Variants in RANBP2 observed in about 807,000 individuals in gnomAD.
RANBP2 encodes E3 SUMO-protein ligase RanBP2.
Under a neutral mutation model 303.6 loss-of-function variants are expected in RANBP2, and 57 were observed. That is an observed-to-expected ratio of 0.19 (90% CI 0.15 to 0.23). The LOEUF is 0.23. RANBP2 is among the 10% of genes least tolerant of loss of function. RANBP2 has a pLI of 1.00. For synonymous variants in RANBP2, 1,167 were observed against 1,301.5 expected (o/e 0.90, Z 2.23); for missense variants, 3,138 against 3,780.8 (o/e 0.83, Z 4.46).
the RANBP2 span, among the ~76,000 whole-genome samples, chr2:109,213,328 C>T: frequency 3.9e-5 from 6 of 152,262 alleles, no homozygotes; most frequent in Middle Eastern, 3.4e-3. Flanking sequence ...GTACGCCAAA[C>T]GCAGCCCGGG....
chr2:108,789,822 A>G (rs1679599715), downstream of RANBP2, among the ~76,000 whole-genome samples: 1 of 152,232 alleles, frequency 6.6e-6, no homozygotes, highest in South Asian at 2.1e-4. Context: ...GGGAAAAAAT[A>G]TAAAAACAGT....
At chr2:109,022,912 G>A in the RANBP2 span, among the ~76,000 whole-genome samples, 5 of 152,076 alleles carry the variant, frequency 3.3e-5, no homozygotes, top group African/African-American at 9.7e-5. Flanking sequence ...TTACCCGGGC[G>A]TGGTGGTGAG....
At chr2:108,845,650 C>T in the RANBP2 span, among the ~76,000 whole-genome samples, 1 of 149,920 alleles carries the variant, frequency 6.7e-6, no homozygotes, top group Admixed American at 6.7e-5. Context: ...CGGCTCACTG[C>T]AAGCTCCGCC....
the RANBP2 span, chr2:109,618,154 A>G: frequency 6.0e-6 from 1 of 167,106 alleles, no homozygotes; most frequent in Non-Finnish European, 1.5e-5. Flanking sequence ...TGAAAAACCA[A>G]TCTAATTTTG....
the RANBP2 span, among the ~76,000 whole-genome samples, chr2:109,307,355 C>T: frequency 3.9e-5 from 6 of 151,958 alleles, 1 homozygote; most frequent in Admixed American, 3.9e-4. Flanking sequence ...AGGAGGGGAA[C>T]AATTTGTGGG....
At chr2:109,448,324 G>A in the RANBP2 span, among the ~76,000 whole-genome samples, 6 of 152,198 alleles carry the variant, frequency 3.9e-5, no homozygotes, top group Admixed American at 1.3e-4. Flanking sequence ...AAATTATTTA[G>A]AGCAGGAGTC....
chr2:109,680,423 T>G, the RANBP2 span, among the ~76,000 whole-genome samples: 31 of 150,718 alleles, frequency 2.1e-4, no homozygotes, highest in Admixed American at 4.6e-4. Context: ...TAAAATAAAA[T>G]AAAAGAATTG....
At chr2:109,471,370 A>C in the RANBP2 span, among the ~76,000 whole-genome samples, 1 of 152,190 alleles carries the variant, frequency 6.6e-6, no homozygotes, top group Non-Finnish European at 1.5e-5. Flanking sequence ...ACAAGGCGGC[A>C]GGAGAGAGAA....
the RANBP2 span, among the ~76,000 whole-genome samples, chr2:108,999,471 C>A: frequency 6.6e-6 from 1 of 152,224 alleles, no homozygotes; most frequent in Non-Finnish European, 1.5e-5. Flanking sequence ...GACTTTCCCA[C>A]ACATCTAACT....
chr2:108,980,286 G>C, the RANBP2 span, among the ~76,000 whole-genome samples: 1 of 152,024 alleles, frequency 6.6e-6, no homozygotes, highest in Non-Finnish European at 1.5e-5. Context: ...GGAGGCCCAG[G>C]TGAGTCACAT....
the RANBP2 span, among the ~76,000 whole-genome samples, chr2:109,075,556 A>C: frequency 7.0e-6 from 1 of 142,114 alleles, no homozygotes; most frequent in Admixed American, 7.2e-5. Flanking sequence ...AAGGTAAATA[A>C]AATCAACATG....
At chr2:108,745,254 A>G (rs561077051) in intron 7 of RANBP2, among the ~76,000 whole-genome samples, 154 of 143,136 alleles carry the variant, frequency 1.1e-3, no homozygotes, top group Non-Finnish European at 2.1e-3. Context: ...TCTAACCCTA[A>G]AGAGGTTGTA....
At chr2:108,738,959 AT>A (rs1695847627) in intron 6 of RANBP2, among the ~76,000 whole-genome samples, 2 of 152,128 alleles carry the variant, frequency 1.3e-5, no homozygotes, top group South Asian at 4.2e-4. Context: ...AAAAATAATT[AT>A]TTTTCAACAG....
At chr2:109,128,751 C>T in the RANBP2 span, 29 of 182,014 alleles carry the variant, frequency 1.6e-4, no homozygotes, top group South Asian at 2.6e-4. Flanking sequence ...TCCTTCGCAG[C>T]AGCGTTGGCA....
chr2:109,686,455 C>T, the RANBP2 span, among the ~76,000 whole-genome samples: 1 of 152,160 alleles, frequency 6.6e-6, no homozygotes, highest in Admixed American at 6.5e-5. Flanking sequence ...GCTGGGATTA[C>T]AGGCGCCCGC....
chr2:109,137,701 CA>C, the RANBP2 span, among the ~76,000 whole-genome samples: 1 of 152,244 alleles, frequency 6.6e-6, no homozygotes, highest in Non-Finnish European at 1.5e-5. Context: ...GGCTTAGGCA[CA>C]TTTCAGTAAA....
the RANBP2 span, among the ~76,000 whole-genome samples, chr2:109,098,184 G>T: frequency 6.6e-6 from 1 of 152,284 alleles, no homozygotes; most frequent in African/African-American, 2.4e-5. Context: ...TCCTAAATCT[G>T]CCTGCTCTGG....
chr2:109,578,901 G>A, the RANBP2 span, among the ~76,000 whole-genome samples: 7 of 152,020 alleles, frequency 4.6e-5, no homozygotes, highest in African/African-American at 1.4e-4. Context: ...TGAGAAATTG[G>A]AACAAAACTC....
At position 108,766,534 on chromosome 2, in the gene RANBP2, G is replaced by T. The variant is rs779917838; in HGVS notation, c.5995G>T (p.Asp1999Tyr). Reference protein sequence around the residue: ...KANTSGDFEKDDDAYKTEDSD... With the variant: ...KANTSGDFEKYDDAYKTEDSD... ...AAACACTTCCGGTGACTTTGAGAAA[G>T]ATGATGATGCCTATAAGACTGAGGA... The change falls in exon 20 of 29, where the codon GAT becomes TAT. Residue 1999 changes from aspartate (D) to tyrosine (Y), a missense_variant. Physicochemically the swap from Asp to Tyr is radical, Grantham distance 160. This residue lies in a region of RANBP2 where 348 missense variants were observed against 360.4 expected (regional missense o/e 0.97). Coordinates refer to ENST00000283195, the MANE Select transcript of RANBP2 (RefSeq NM_006267.5). 4.3e-6 allele frequency: 7 copies of T among 1,611,836 alleles called. No individual in the cohort carries two copies. In the South Asian group the frequency reaches 6.6e-5, roughly 15 times the overall value.
Sources: allele counts gnomAD v4.1 joint callset (sites outside exome capture counted in the v4.1 genomes callset), GRCh38; gene constraint gnomAD v4.1.1; regional missense constraint gnomAD v4.1.1; transcripts MANE v1.5; gene names NCBI Gene and HGNC (gene_info 2026-07-23, HGNC 2026-07-21).